KIAA0319L: variants seen among roughly 807,000 people sequenced by gnomAD.
The protein encoded by KIAA0319L is KIAA0319 like, also known as dyslexia-associated protein KIAA0319-like protein.
Under a neutral mutation model 120.1 loss-of-function variants are expected in KIAA0319L, and 55 were observed. That is an observed-to-expected ratio of 0.46 (90% CI 0.37 to 0.57). The LOEUF (loss-of-function observed/expected upper bound fraction) is 0.57, where lower values mean the gene tolerates loss of function less well. Among genes scored for constraint, KIAA0319L ranks in the 20% least tolerant of loss-of-function variants. The pLI is 0.00. For missense variants in KIAA0319L, 1,049 were observed against 1,255.3 expected (o/e 0.84, Z 2.48); for synonymous variants, 398 against 471.9 (o/e 0.84, Z 2.03).
At chr1:35,556,500 T>C (rs1180942389) in intron 1 of KIAA0319L, 1 of 152,260 alleles carries the variant, frequency 6.6e-6, no homozygotes, top group Non-Finnish European at 1.5e-5. Context: ...GCAGACACTG[T>C]TTTCCAAATA....
intron 3 of KIAA0319L, among the ~76,000 whole-genome samples, chr1:35,497,565 T>C (rs991237423): frequency 6.6e-6 from 1 of 152,162 alleles, no homozygotes; most frequent in Non-Finnish European, 1.5e-5. Context: ...GAGATAGATA[T>C]AAATAAACTA....
At chr1:35,526,107 G>A (rs1177370532) in intron 2 of KIAA0319L, among the ~76,000 whole-genome samples, 1 of 151,764 alleles carries the variant, frequency 6.6e-6, no homozygotes, top group Non-Finnish European at 1.5e-5. Flanking sequence ...TTTCCCCAAT[G>A]TGTGTCCTTG....
chr1:35,460,440 T>C lies in KIAA0319L; in HGVS notation c.1295-3A>G, dbSNP rs11806524. 3 of 1,611,798 alleles carry C rather than the reference T, an allele frequency of 1.9e-6. No homozygotes were observed. Among genetic ancestry groups the C allele is most frequent in the East Asian group, 2.2e-5 (1 of 44,794 alleles). ...GATTTTATCATCATCAGTGCTTTCT[T>C]GACCATAAAGAAACATCAGTTACAA... On this transcript the variant is annotated splice_polypyrimidine_tract_variant and splice_region_variant and intron_variant, in intron 8 of 20. Transcript: ENST00000325722.
intron 13 of KIAA0319L, among the ~76,000 whole-genome samples, chr1:35,451,394 AAGGGGATG>A (rs1405570892): frequency 3.9e-5 from 6 of 152,312 alleles, no homozygotes; most frequent in African/African-American, 1.4e-4. Context: ...AAAAGAAAGT[AAGGGGATG>A]AGAGGGAAGG....
At chr1:35,459,457 CGTG>C (rs1642730743) in intron 9 of KIAA0319L, among the ~76,000 whole-genome samples, 1 of 151,866 alleles carries the variant, frequency 6.6e-6, no homozygotes, top group Admixed American at 6.6e-5. Flanking sequence ...ATTAGCCGGG[CGTG>C]GTGGTGGGTG....
At chr1:35,515,463 T>C (rs1203655363) in intron 2 of KIAA0319L, among the ~76,000 whole-genome samples, 2 of 152,142 alleles carry the variant, frequency 1.3e-5, no homozygotes, top group African/African-American at 4.8e-5. Context: ...GAATGACTTT[T>C]GGGTAAATAA....
intron 20 of KIAA0319L, chr1:35,435,432 A>G: frequency 5.1e-6 from 1 of 196,256 alleles, no homozygotes. Flanking sequence ...GGGTGGAATG[A>G]CATGGTAGGC....
intron 2 of KIAA0319L, among the ~76,000 whole-genome samples, chr1:35,528,236 T>A (rs1007266950): frequency 1.3e-5 from 2 of 152,164 alleles, no homozygotes; most frequent in African/African-American, 2.4e-5. Flanking sequence ...TACAGGCATG[T>A]GCCACCACAC....
intron 2 of KIAA0319L, among the ~76,000 whole-genome samples, chr1:35,531,274 C>T (rs1646356333): frequency 1.3e-5 from 2 of 152,198 alleles, no homozygotes; most frequent in African/African-American, 4.8e-5. Context: ...CTGGGAGCAG[C>T]CTCCCTGATA....
chr1:35,524,362 A>G (rs1226216871), intron 2 of KIAA0319L, among the ~76,000 whole-genome samples: 1 of 152,168 alleles, frequency 6.6e-6, no homozygotes, highest in Non-Finnish European at 1.5e-5. Flanking sequence ...CACATAAGCT[A>G]TACAATTATC....
intron 3 of KIAA0319L, among the ~76,000 whole-genome samples, chr1:35,480,496 A>T (rs1269085760): frequency 6.6e-6 from 1 of 152,150 alleles, no homozygotes; most frequent in Non-Finnish European, 1.5e-5. Flanking sequence ...TAAAAATCAA[A>T]TTCGGCCGGG....
chr1:35,554,226 C>T lies in KIAA0319L; in HGVS notation c.142+124G>A, dbSNP rs1647591674. 1.6e-5 allele frequency: 10 copies of T among 613,388 alleles called. No homozygotes were observed. The East Asian group carries it at 2.9e-4, about 18-fold the overall frequency. 38.0% of individuals were successfully genotyped at this position (613,388 alleles called of 1,614,324 possible). A position where few individuals can be genotyped will look rare whatever the true frequency, so the allele number is the denominator to read the frequency against. On this transcript the variant is annotated intron_variant, in intron 2 of 20. Coordinates refer to ENST00000325722, the MANE Select transcript of KIAA0319L (RefSeq NM_024874.5). ...CAGACCTCAGTCACCAAAAGGATGACCATTTCTGTCAATTAGCAGATTGTT... is the reference window on the plus strand; with the variant it reads ...CAGACCTCAGTCACCAAAAGGATGATCATTTCTGTCAATTAGCAGATTGTT...
At chr1:35,541,958 T>C (rs1646810578) in intron 2 of KIAA0319L, among the ~76,000 whole-genome samples, 1 of 152,146 alleles carries the variant, frequency 6.6e-6, no homozygotes, top group Non-Finnish European at 1.5e-5. Context: ...GGGCTTCAAT[T>C]AGTCTCAGAC....
At position 35,506,363 on chromosome 1, in the gene KIAA0319L, A is replaced by G. The variant is rs573751932; in HGVS notation, c.666+249T>C. Reference sequence around the variant, plus strand: ...CTTACCTGTAGCCAAGAACCAGCTTAGACTAGATAATGAGCAGCTTTCTGC... The same window carrying G: ...CTTACCTGTAGCCAAGAACCAGCTTGGACTAGATAATGAGCAGCTTTCTGC... On this transcript the variant is annotated intron_variant, in intron 3 of 20. Coordinates refer to ENST00000325722, the MANE Select transcript of KIAA0319L (RefSeq NM_024874.5). The surrounding 1 kb of genome is among the most constrained non-coding windows in gnomAD (Gnocchi z 4.0). Among the ~76,000 whole-genome samples, 1 of 152,370 alleles carries G rather than the reference A, an allele frequency of 6.6e-6. No individual in the cohort carries two copies. The highest frequency in any genetic ancestry group is 2.4e-5 in the African/African-American group (1 of 41,588).
chr1:35,499,751 AC>A (rs1644937709), intron 3 of KIAA0319L, among the ~76,000 whole-genome samples: 1 of 152,012 alleles, frequency 6.6e-6, no homozygotes, highest in Admixed American at 6.6e-5. Context: ...AACTAACACA[AC>A]AAAAACAAGC....
At chr1:35,538,064 C>T (rs532900081) in intron 2 of KIAA0319L, among the ~76,000 whole-genome samples, 1 of 152,292 alleles carries the variant, frequency 6.6e-6, no homozygotes, top group East Asian at 1.9e-4. Context: ...CAGCTATTCT[C>T]TGCCCCATTC....
At chr1:35,502,378 C>T (rs1449879727) in intron 3 of KIAA0319L, among the ~76,000 whole-genome samples, 1 of 151,460 alleles carries the variant, frequency 6.6e-6, no homozygotes, top group East Asian at 1.9e-4. Context: ...TGAATGGTAC[C>T]TGGCATATAG....
At chr1:35,499,602 C>G (rs1292857638) in intron 3 of KIAA0319L, among the ~76,000 whole-genome samples, 3 of 151,536 alleles carry the variant, frequency 2.0e-5, no homozygotes, top group African/African-American at 7.3e-5. Context: ...TACAAAGGAG[C>G]CAATAAACGC....
intron 3 of KIAA0319L, among the ~76,000 whole-genome samples, chr1:35,501,194 C>T (rs1027379993): frequency 6.6e-6 from 1 of 152,208 alleles, no homozygotes; most frequent in Non-Finnish European, 1.5e-5. Context: ...CTATAGCCAA[C>T]ACATCCTCAG....
Sources: allele counts gnomAD v4.1 joint callset (sites outside exome capture counted in the v4.1 genomes callset), GRCh38; gene constraint gnomAD v4.1.1; non-coding constraint Gnocchi (gnomAD v3.1); transcripts MANE v1.5; gene names NCBI Gene and HGNC (gene_info 2026-07-23, HGNC 2026-07-21).